Variants in TGM2 observed in about 807,000 individuals in gnomAD.
TGM2 encodes transglutaminase 2.
TGM2 carries 53 observed loss-of-function variants against 75.6 expected under a neutral mutation model. That is an observed-to-expected ratio of 0.70 (90% CI 0.56 to 0.88). The LOEUF (loss-of-function observed/expected upper bound fraction) is 0.88. Among genes scored for constraint, TGM2 ranks in the 40% least tolerant of loss-of-function variants. The pLI is 0.00. For synonymous variants in TGM2, 374 were observed against 381.1 expected (o/e 0.98, Z 0.22); for missense variants, 842 against 928.5 (o/e 0.91, Z 1.21).
Position 38,132,397 on chromosome 20 carries a change from G to A in TGM2, c.1719C>T (p.Asn573=). Residue 573 remains asparagine, a synonymous_variant, in exon 11 of 13, where the codon AAC becomes AAT. Coordinates refer to ENST00000361475, the MANE Select transcript of TGM2 (RefSeq NM_004613.4). ...GGTCCCTCTCAGCCAGCAGGTAGCT[G>A]TTGATAACTGGCTCCACGAGGAGGG... The part of the protein sequence containing the change: ...VRALLVEPVI[N]SYLLAERDLY... 6.2e-7 allele frequency: 1 copy of A among 1,614,154 alleles called. No homozygotes were observed.
At chr20:38,139,737 T>G in intron 8 of TGM2, 83 bp from the exon 9 acceptor site, 1 of 1,576,810 alleles carries the variant, frequency 6.3e-7, no homozygotes, top group Non-Finnish European at 8.6e-7. Context: ...TTCAATCACA[T>G]GTAGCCAAAA....
intron 10 of TGM2, chr20:38,133,257 C>A (rs1316157491): frequency 5.5e-6 from 1 of 180,282 alleles, no homozygotes; most frequent in Admixed American, 5.3e-5. Context: ...ATCACCTCTG[C>A]CAGTAAGTGC....
chr20:38,132,541 C>A (rs1242661938), intron 10 of TGM2, 41 bp from the exon 11 acceptor site: 1 of 1,612,450 alleles, frequency 6.2e-7, no homozygotes, highest in Admixed American at 1.7e-5. Context: ...GATGCAGAAT[C>A]ACCCCTCCCA....
chr20:38,146,810 C>G lies in TGM2; in HGVS notation c.766G>C (p.Gly256Arg). ...GDGVSPMSWI[G>R]SVDILRRWKN... Reference sequence around the variant, plus strand: ...CAGCGCCGCAGGATGTCCACGCTGCCGATCCAGGACATGGGGCTGACGCCG... The same window carrying G: ...CAGCGCCGCAGGATGTCCACGCTGCGGATCCAGGACATGGGGCTGACGCCG... The change falls in exon 6 of 13, where the codon GGC becomes CGC. Residue 256 changes from glycine to arginine, a missense_variant. By Grantham distance (125) the Gly-to-Arg change is moderately radical. Transcript: ENST00000361475. 6.2e-7 allele frequency: 1 copy of G among 1,614,004 alleles called. No homozygotes were observed. Among genetic ancestry groups the G allele is most frequent in the Non-Finnish European group, 8.5e-7 (1 of 1,179,960 alleles).
intron 2 of TGM2, among the ~76,000 whole-genome samples, chr20:38,156,856 A>G (rs929742803): frequency 3.3e-5 from 5 of 152,180 alleles, no homozygotes; most frequent in African/African-American, 9.7e-5. Context: ...TTTGTGGCAA[A>G]GGTCGCATCT....
chr20:38,161,471 C>T lies in TGM2; in HGVS notation c.139G>A (p.Gly47Ser). ...QPFWLTLHFE[G>S]RNYEASVDSL... ...TCTACACTGGCCTCGTAGTTGCGGCCCTCAAAGTGCAGGGTCAGCCAGAAG... is the reference window on the plus strand; with the variant it reads ...TCTACACTGGCCTCGTAGTTGCGGCTCTCAAAGTGCAGGGTCAGCCAGAAG... The change falls in exon 2 of 13, where the codon GGC becomes AGC. Residue 47 changes from glycine (G) to serine (S), a missense_variant. Transcript: ENST00000361475. The T allele has an allele frequency of 1.2e-6, 2 of 1,614,150 alleles. No homozygotes were observed. The highest frequency in any genetic ancestry group is 8.5e-7 in the Non-Finnish European group (1 of 1,180,024).
intron 6 of TGM2, among the ~76,000 whole-genome samples, chr20:38,143,961 C>G (rs879408426): frequency 2.6e-5 from 4 of 152,192 alleles, no homozygotes; most frequent in Non-Finnish European, 5.9e-5. Context: ...TGACCTCCCC[C>G]TCTTGCCTGG....
intron 6 of TGM2, among the ~76,000 whole-genome samples, chr20:38,143,888 G>C (rs1332487293): frequency 3.9e-5 from 6 of 152,198 alleles, no homozygotes; most frequent in African/African-American, 1.4e-4. Flanking sequence ...GAGCTTACTG[G>C]TTGGCCCTGG....
Position 38,158,616 on chromosome 20 carries a change from C to A in TGM2, c.191-2527G>T, listed in dbSNP as rs45590340. Among the ~76,000 whole-genome samples the A allele has an allele frequency of 3.8e-3, 585 of 152,314 alleles. 5 individuals carry two copies. Among genetic ancestry groups the A allele is most frequent in the African/African-American group, 0.013 (547 of 41,574 alleles). On this transcript the variant is annotated intron_variant, in intron 2 of 12. Coordinates refer to ENST00000361475, the MANE Select transcript of TGM2 (RefSeq NM_004613.4). ...ACCCCACCTTGGAGGGAACTTTATC[C>A]CTCTGACAAGGATGGCATTTGTCTA... is the stretch of plus-strand genomic sequence containing the variant.
intron 2 of TGM2, among the ~76,000 whole-genome samples, chr20:38,157,900 A>G (rs1245681059): frequency 6.6e-6 from 1 of 152,232 alleles, no homozygotes; most frequent in Admixed American, 6.5e-5. Flanking sequence ...TCTCAGGCCA[A>G]ATAGCAGATC....
intron 1 of TGM2, 25 bp from the exon 2 acceptor site, chr20:38,161,624 G>A: frequency 1.2e-6 from 2 of 1,614,094 alleles, no homozygotes; most frequent in Admixed American, 1.7e-5. Context: ...GGAGACGCAT[G>A]AGCCTCGGGG....
chr20:38,143,234 G>A (rs2074998010), intron 6 of TGM2, among the ~76,000 whole-genome samples: 2 of 152,190 alleles, frequency 1.3e-5, no homozygotes, highest in African/African-American at 4.8e-5. Context: ...AGCAGAACAG[G>A]CAGAGGAGGG....
At chr20:38,133,107 C>T (rs1179903108) in intron 10 of TGM2, 3 of 348,814 alleles carry the variant, frequency 8.6e-6, no homozygotes, top group Non-Finnish European at 1.7e-5. Context: ...CTGATATGTA[C>T]TGTGCAGGCA....
At chr20:38,162,900 C>T (rs900491676) in intron 1 of TGM2, among the ~76,000 whole-genome samples, 15 of 152,174 alleles carry the variant, frequency 9.9e-5, no homozygotes, top group African/African-American at 3.4e-4. Flanking sequence ...CAAAACAAAA[C>T]ATTTTTAACA....
chr20:38,156,085 TG>T lies in TGM2; in HGVS notation c.194del (p.Pro65GlnfsTer15), dbSNP rs754009982. The part of the protein sequence containing the change: ...DSLTFSVVTG[P>X]APSQEAGTKA... ...TGGTCCCGGCCTCCTGGCTAGGGGC[TG>T]GGCCTGTGGAGGGAGAAGCAGTAGC... On this transcript the variant is annotated frameshift_variant, in exon 3 of 13. Transcript: ENST00000361475. LOFTEE classifies it high-confidence loss of function. The T allele has an allele frequency of 6.2e-7, 1 of 1,612,402 alleles. No homozygotes were observed. The highest frequency in any genetic ancestry group is 1.1e-5 in the South Asian group (1 of 90,878).
At position 38,127,523 on chromosome 20, in the gene TGM2, G is replaced by A. The variant is rs932321307; in HGVS notation, c.*2696C>T. 2.1e-5 allele frequency: 5 copies of A among 242,004 alleles called. No individual in the cohort carries two copies. Among genetic ancestry groups the A allele is most frequent in the Admixed American group, 6.5e-5 (1 of 15,404 alleles). The allele number at this position is 242,004 out of a possible 1,614,324, so 15.0% of individuals were successfully genotyped here. A position where few individuals can be genotyped will look rare whatever the true frequency, so the allele number is the denominator to read the frequency against. Reference sequence around the variant, plus strand: ...TGAGTGCTTCGATGGTGGGGAATGAGATGAATGACCAAGTCTGCACATCCA... The same window carrying A: ...TGAGTGCTTCGATGGTGGGGAATGAAATGAATGACCAAGTCTGCACATCCA... On this transcript the variant is annotated 3_prime_UTR_variant, in exon 13 of 13. Transcript: ENST00000361475.
rs746847363 is a variant in TGM2 at position 38,142,102 on chromosome 20, C to T, written c.957G>A (p.Glu319=). 6.2e-7 allele frequency: 1 copy of T among 1,614,186 alleles called. No homozygotes were observed. Among genetic ancestry groups the T allele is most frequent in the South Asian group, 1.1e-5 (1 of 91,076 alleles). ...TCTTGTCACCCTGGATCTCCCCAAACTCATTGCGGAAGTACTCGATGAGAA... is the reference window on the plus strand; with the variant it reads ...TCTTGTCACCCTGGATCTCCCCAAATTCATTGCGGAAGTACTCGATGAGAA... The part of the protein sequence containing the change: ...SNLLIEYFRN[E]FGEIQGDKSE... Residue 319 remains glutamate, a synonymous_variant, in exon 7 of 13, where the codon GAG becomes GAA. Transcript: ENST00000361475.
intron 10 of TGM2, among the ~76,000 whole-genome samples, chr20:38,136,155 G>GT (rs1307057599): frequency 6.6e-6 from 1 of 152,176 alleles, no homozygotes; most frequent in Non-Finnish European, 1.5e-5. Context: ...CGGACAGTGG[G>GT]TGTGCCCAGG....
chr20:38,166,646 T>C (rs201511380), upstream of TGM2: 6 of 152,278 alleles, frequency 3.9e-5, no homozygotes, highest in East Asian at 9.7e-4. Context: ...AAGCTCTACA[T>C]CTATTGATGA....
Sources: gnomAD v4.1 joint callset for allele counts (sites outside exome capture counted in the v4.1 genomes callset) on GRCh38, gnomAD v4.1.1 for gene constraint, MANE v1.5 for transcripts, NCBI Gene and HGNC (gene_info 2026-07-23, HGNC 2026-07-21) for gene names.